The following COL14A1 variants were observed in gnomAD, a reference collection of about 807,000 sequenced individuals.
COL14A1 encodes the protein collagen type XIV alpha 1 chain.
Under a neutral mutation model 230.3 loss-of-function variants are expected in COL14A1, and 136 were observed. That is an observed-to-expected ratio of 0.59 (90% CI 0.51 to 0.68). The LOEUF (loss-of-function observed/expected upper bound fraction) is 0.68. Among genes scored for constraint, COL14A1 ranks in the 30% least tolerant of loss-of-function variants. The probability of loss-of-function intolerance (pLI) is 0.00; values close to 1 mark genes in which losing one functional copy is unlikely to be tolerated. For synonymous variants in COL14A1, 792 were observed against 784.1 expected (o/e 1.01, Z -0.17); for missense variants, 1,976 against 2,215.8 (o/e 0.89, Z 2.17).
intron 1 of COL14A1, among the ~76,000 whole-genome samples, chr8:120,146,942 G>A (rs79381418): frequency 0.045 from 6,897 of 152,082 alleles, 366 homozygotes; most frequent in South Asian, 0.15. Flanking sequence ...TAATAGAATT[G>A]TAATCTACAA....
rs10505377 is a variant in COL14A1 at position 120,209,632 on chromosome 8, C to G, written c.1322-124C>G. On this transcript the variant is annotated intron_variant, in intron 11 of 47. Transcript: ENST00000297848. ...CAGCATTGTTTAACCCAGGAACTTG[C>G]AATTTATTCTTAATCCCTTTCTCCC... The G allele has an allele frequency of 0.21, 203,825 of 955,738 alleles. 24,753 individuals carry two copies. The highest frequency in any genetic ancestry group is 0.25 in the Non-Finnish European group (167,193 of 658,250). 59.2% of individuals were successfully genotyped at this position (955,738 alleles called of 1,614,324 possible). A position where few individuals can be genotyped will look rare whatever the true frequency, so the allele number is the denominator to read the frequency against.
intron 5 of COL14A1, among the ~76,000 whole-genome samples, chr8:120,175,480 G>A (rs149367763): frequency 1.3e-5 from 2 of 152,114 alleles, no homozygotes; most frequent in African/African-American, 4.8e-5. Context: ...AGTCTCTACG[G>A]TGATATAAGG....
intron 40 of COL14A1, among the ~76,000 whole-genome samples, chr8:120,328,686 G>A (rs1417084058): frequency 6.6e-6 from 1 of 152,180 alleles, no homozygotes; most frequent in African/African-American, 2.4e-5. Context: ...TATCCTTCCA[G>A]GGTCATAGAT....
chr8:120,305,047 CG>C (rs1820817944), intron 36 of COL14A1, among the ~76,000 whole-genome samples: 1 of 150,828 alleles, frequency 6.6e-6, no homozygotes, highest in Non-Finnish European at 1.5e-5. Context: ...GGCACAATCT[CG>C]GCTCACCACA....
At chr8:120,358,287 T>G (rs1472576190) in intron 45 of COL14A1, among the ~76,000 whole-genome samples, 1 of 152,186 alleles carries the variant, frequency 6.6e-6, no homozygotes, top group Non-Finnish European at 1.5e-5. Flanking sequence ...AATTGGCCCT[T>G]ATTGATTTCT....
At chr8:120,199,032 C>G (rs536775612) in intron 7 of COL14A1, among the ~76,000 whole-genome samples, 1 of 152,236 alleles carries the variant, frequency 6.6e-6, no homozygotes, top group African/African-American at 2.4e-5. Context: ...TTTAGAATAT[C>G]ACGAACAAAA....
chr8:120,357,638 C>G (rs1563755519), intron 45 of COL14A1, among the ~76,000 whole-genome samples: 2 of 152,074 alleles, frequency 1.3e-5, no homozygotes, highest in Non-Finnish European at 1.5e-5. Context: ...AAAACAAGTC[C>G]TTCTGGCTGT....
At chr8:120,245,025 T>G (rs911877103) in intron 20 of COL14A1, among the ~76,000 whole-genome samples, 3 of 152,180 alleles carry the variant, frequency 2.0e-5, no homozygotes, top group African/African-American at 7.2e-5. Flanking sequence ...CACTGGACTC[T>G]TTGAAGTTGT....
At chr8:120,256,843 GTTCTTTT>G (rs1819169132) in intron 23 of COL14A1, among the ~76,000 whole-genome samples, 4 of 152,132 alleles carry the variant, frequency 2.6e-5, no homozygotes, top group African/African-American at 9.7e-5. Flanking sequence ...CTATCCCACA[GTTCTTTT>G]ATATGATTTA....
rs28488443 is a variant in COL14A1, at chr8:120,258,189, G to T, written c.2869+2833G>T. Among the ~76,000 whole-genome samples the T allele has an allele frequency of 1.1e-3, 171 of 152,304 alleles. 1 individual carries two copies. Among genetic ancestry groups the T allele is most frequent in the African/African-American group, 3.9e-3 (162 of 41,558 alleles). ...GCTTCAGGCACATCTGGACCTAGGT[G>T]TTCAATTTCCTAGAGATAAAGTCTT... On this transcript the variant is annotated intron_variant, in intron 23 of 47. Coordinates refer to ENST00000297848, the MANE Select transcript of COL14A1 (RefSeq NM_021110.4).
chr8:120,173,375 C>A (rs1036303644), intron 5 of COL14A1, among the ~76,000 whole-genome samples: 1 of 152,062 alleles, frequency 6.6e-6, no homozygotes, highest in Non-Finnish European at 1.5e-5. Context: ...ACATTCTGAG[C>A]GCTTGTATTT....
intron 22 of COL14A1, among the ~76,000 whole-genome samples, chr8:120,253,184 T>C (rs1420952321): frequency 6.6e-6 from 1 of 152,162 alleles, no homozygotes; most frequent in Non-Finnish European, 1.5e-5. Flanking sequence ...TAATTTTCTA[T>C]TTTTAGTAAA....
intron 21 of COL14A1, among the ~76,000 whole-genome samples, chr8:120,249,002 T>C (rs928337316): frequency 7.7e-6 from 1 of 130,308 alleles, no homozygotes; most frequent in Admixed American, 8.8e-5. Context: ...CTCGGCTCAC[T>C]GCAAGCTCCG....
At position 120,332,714 on chromosome 8, in the gene COL14A1, G is replaced by T. The variant is rs561295242; in HGVS notation, c.4764G>T (p.Pro1588=). Residue 1588 remains proline (P), a synonymous_variant, in exon 42 of 48, where the codon CCG becomes CCT. Coordinates refer to ENST00000297848, the MANE Select transcript of COL14A1 (RefSeq NM_021110.4). ...CAGGGATCACAGGAAGCATGGGACC[G>T]CAAGGCGCCCTGGGACCACCTGTGA... is the stretch of plus-strand genomic sequence containing the variant. The part of the protein sequence containing the change: ...GVPGITGSMG[P]QGALGPPGVP... The T allele has an allele frequency of 1.2e-6, 2 of 1,613,014 alleles. No individual in the cohort carries two copies. Among genetic ancestry groups the T allele is most frequent in the Non-Finnish European group, 8.5e-7 (1 of 1,179,342 alleles).
At position 120,283,808 on chromosome 8, in the gene COL14A1, A is replaced by C. The variant is rs780517188; in HGVS notation, c.3967+30A>C. The C allele has an allele frequency of 3.8e-6, 6 of 1,576,756 alleles. No individual in the cohort carries two copies. In the South Asian group the frequency reaches 7.0e-5, roughly 18 times the overall value. ...GTATATTTATTGAGATCACATTCAC[A>C]TATACATGTATGAGTAATGTATGTG... On this transcript the variant is annotated intron_variant, in intron 32 of 47. Transcript: ENST00000297848.
chr8:120,194,929 C>T (rs537237814), intron 5 of COL14A1, among the ~76,000 whole-genome samples: 2 of 152,194 alleles, frequency 1.3e-5, no homozygotes, highest in South Asian at 2.1e-4. Flanking sequence ...TAGCCTTTTT[C>T]TTAGTGTGGT....
intron 23 of COL14A1, among the ~76,000 whole-genome samples, chr8:120,257,098 G>A (rs1308655041): frequency 6.6e-6 from 1 of 152,160 alleles, no homozygotes; most frequent in African/African-American, 2.4e-5. Flanking sequence ...TGATAATACT[G>A]AACTGGTCAT....
rs377301171 is a variant in COL14A1 at position 120,371,180 on chromosome 8, C to A, written c.5340C>A (p.Thr1780=). 3.1e-6 allele frequency: 5 copies of A among 1,611,220 alleles called. No homozygotes were observed. The highest frequency in any genetic ancestry group is 3.4e-6 in the Non-Finnish European group (4 of 1,178,726). Reference sequence around the variant, plus strand: ...CCCATCCAGATCAGCCAGAGTTCACCCCTGTCCAAGATGAGCTGGAAGCCA... The same window carrying A: ...CCCATCCAGATCAGCCAGAGTTCACACCTGTCCAAGATGAGCTGGAAGCCA... The part of the protein sequence containing the change: ...RAPHPDQPEF[T]PVQDELEAME... The change falls in exon 48 of 48, where the codon ACC becomes ACA. Residue 1780 remains threonine, a synonymous_variant. Coordinates refer to ENST00000297848, the MANE Select transcript of COL14A1 (RefSeq NM_021110.4).
chr8:120,283,496 A>T, intron 31 of COL14A1, 140 bp from the exon 32 acceptor site: 1 of 778,040 alleles, frequency 1.3e-6, no homozygotes, highest in Admixed American at 2.7e-5. Flanking sequence ...AATTAGATCA[A>T]CAGTGATCTA....
Sources: gnomAD v4.1 joint callset for allele counts (sites outside exome capture counted in the v4.1 genomes callset) on GRCh38, gnomAD v4.1.1 for gene constraint, MANE v1.5 for transcripts, NCBI Gene and HGNC (gene_info 2026-07-23, HGNC 2026-07-21) for gene names.